Variants in ZBTB8OS observed in about 807,000 individuals in gnomAD.
ZBTB8OS encodes the protein tRNA-splicing ligase-activating factor archease.
In ZBTB8OS, 16 loss-of-function variants were observed where a neutral mutation model predicts 29.3. That is an observed-to-expected ratio of 0.55 (90% CI 0.37 to 0.83). The LOEUF (loss-of-function observed/expected upper bound fraction) is 0.83. ZBTB8OS is among the 40% of genes least tolerant of loss of function. The pLI is 0.00. For missense variants in ZBTB8OS, 160 were observed against 196.9 expected, an observed-to-expected ratio of 0.81 and a Z score of 1.12; for synonymous variants, 70 against 64.6, an observed-to-expected ratio of 1.08 and a Z score of -0.40.
intron 1 of ZBTB8OS, among the ~76,000 whole-genome samples, chr1:32,644,534 CTTTTTTTTT>C (rs57960226): frequency 1.6e-5 from 2 of 127,038 alleles, no homozygotes; most frequent in African/African-American, 6.1e-5. Flanking sequence ...TTTCTTTTTC[CTTTTTTTTT>C]TTTTTTTTTG....
At chr1:32,650,864 G>A (rs1039486583), upstream of ZBTB8OS, 113 of 483,148 alleles carry the variant, frequency 2.3e-4, no homozygotes, top group Middle Eastern at 1.1e-3. Context: ...TAGACCCGAA[G>A]GCATTCTAGA....
At chr1:32,640,349 C>G (rs970552455) in intron 1 of ZBTB8OS, among the ~76,000 whole-genome samples, 2 of 152,072 alleles carry the variant, frequency 1.3e-5, no homozygotes, top group African/African-American at 4.8e-5. Context: ...CAATCCACCC[C>G]TCTCGGCCTC....
chr1:32,649,384 A>G (rs1647106046), intron 1 of ZBTB8OS, among the ~76,000 whole-genome samples: 1 of 152,144 alleles, frequency 6.6e-6, no homozygotes, highest in Non-Finnish European at 1.5e-5. Context: ...TACAGAGAGG[A>G]CAATGAGAAA....
In ZBTB8OS at chr1:32,621,748, C is replaced by A; in HGVS notation, c.*114G>T. ...ACACTTTAACTAAAATATTTCTGTT[C>A]TACAAATTTCCATATATCAAAAAAA... is the stretch of plus-strand genomic sequence containing the variant. On this transcript the variant is annotated 3_prime_UTR_variant, in exon 7 of 7. Transcript: ENST00000468695. 1.3e-6 allele frequency: 1 copy of A among 758,070 alleles called. No homozygotes were observed. Among genetic ancestry groups the A allele is most frequent in the Non-Finnish European group, 2.2e-6 (1 of 464,352 alleles). The allele number at this position is 758,070 out of a possible 1,614,324, so 47.0% of individuals were successfully genotyped here.
intron 1 of ZBTB8OS, chr1:32,639,913 A>C (rs928629437): frequency 3.3e-5 from 5 of 152,242 alleles, no homozygotes; most frequent in African/African-American, 1.2e-4. Flanking sequence ...AGGAAAATAC[A>C]GGAGCATTTT....
At chr1:32,634,305 C>T (rs949053276) in intron 2 of ZBTB8OS, 3 of 328,656 alleles carry the variant, frequency 9.1e-6, no homozygotes, top group African/African-American at 2.1e-5. Flanking sequence ...CGGGTCACTG[C>T]AACCTCTGCC....
upstream of ZBTB8OS, chr1:32,650,915 G>A (rs1049331276): frequency 4.3e-6 from 2 of 464,152 alleles, no homozygotes; most frequent in Admixed American, 8.2e-5. Context: ...AAGCTTAATA[G>A]CCTTCAAGAA....
intron 6 of ZBTB8OS, among the ~76,000 whole-genome samples, chr1:32,623,982 G>T (rs567889412): frequency 4.6e-5 from 7 of 152,118 alleles, no homozygotes; most frequent in Admixed American, 3.9e-4. Context: ...GTGATAGTGC[G>T]TGAGTTTTCA....
At position 32,633,981 on chromosome 1, in the gene ZBTB8OS, G is replaced by A. The variant is rs1570574713; in HGVS notation, c.214C>T (p.Pro72Ser). ...GYMTDTGTVE[P>S]LQTVEVETQG... The stretch of plus-strand genomic sequence containing the variant: ...GTTTCTACTTCTACTGTTTGGAGGG[G>A]CTCCACTGTCCCAGTATCTGTCATG... Residue 72 changes from proline (P) to serine (S), a missense_variant, in exon 3 of 7, where the codon CCC (proline) becomes TCC (serine). By Grantham distance (74) the Pro-to-Ser change is moderately conservative (BLOSUM62 -1). Transcript: ENST00000468695. The A allele has an allele frequency of 1.9e-6, 3 of 1,589,398 alleles. No individual in the cohort carries two copies. Among genetic ancestry groups the A allele is most frequent in the East Asian group, 4.5e-5 (2 of 44,672 alleles).
chr1:32,648,356 CAAA>C (rs1207201949), intron 1 of ZBTB8OS, among the ~76,000 whole-genome samples: 1 of 151,934 alleles, frequency 6.6e-6, no homozygotes, highest in Non-Finnish European at 1.5e-5. Flanking sequence ...GCAATGGAAA[CAAA>C]AAAAACTTGG....
intron 1 of ZBTB8OS, 83 bp from the exon 2 acceptor site, chr1:32,634,875 T>C: frequency 1.1e-6 from 1 of 935,272 alleles, no homozygotes; most frequent in South Asian, 1.3e-5. Context: ...AGTCCATTAT[T>C]ATTAGGAATA....
chr1:32,643,015 C>T (rs1368296489), intron 1 of ZBTB8OS, among the ~76,000 whole-genome samples: 3 of 146,736 alleles, frequency 2.0e-5, no homozygotes, highest in Admixed American at 6.9e-5. Flanking sequence ...AGGTGATCTG[C>T]GGGCCTCGGC....
chr1:32,649,216 C>A (rs994862620), intron 1 of ZBTB8OS, among the ~76,000 whole-genome samples: 2 of 152,110 alleles, frequency 1.3e-5, no homozygotes, highest in Middle Eastern at 6.8e-3. Flanking sequence ...GATCCACCCA[C>A]GTCAGTCTCG....
At chr1:32,631,953 T>C in intron 4 of ZBTB8OS, 74 bp from the exon 5 acceptor site, 1 of 837,674 alleles carries the variant, frequency 1.2e-6, no homozygotes, top group Non-Finnish European at 1.8e-6. Context: ...TTTTGTTCTG[T>C]TTTGTTTTTT....
intron 6 of ZBTB8OS, among the ~76,000 whole-genome samples, chr1:32,626,970 G>C (rs1373682541): frequency 1.3e-5 from 2 of 152,156 alleles, no homozygotes; most frequent in African/African-American, 4.8e-5. Context: ...GAATACAAGT[G>C]AACTCATTCA....
At chr1:32,639,715 A>G (rs1646255860) in intron 1 of ZBTB8OS, among the ~76,000 whole-genome samples, 1 of 152,150 alleles carries the variant, frequency 6.6e-6, no homozygotes, top group Non-Finnish European at 1.5e-5. Flanking sequence ...CTAAGAGTGC[A>G]GTGAGCTGCA....
chr1:32,643,087 T>TTTTA (rs1646550972), intron 1 of ZBTB8OS, among the ~76,000 whole-genome samples: 1 of 144,688 alleles, frequency 6.9e-6, no homozygotes, highest in African/African-American at 2.6e-5. Flanking sequence ...TTTTTTTTTT[T>TTTTA]GAGATAGAGT....
chr1:32,634,415 C>CG, intron 2 of ZBTB8OS: 1 of 327,914 alleles, frequency 3.0e-6, no homozygotes, highest in East Asian at 5.1e-5. Context: ...TTAGTAGAGA[C>CG]GGGGTTTTAC....
chr1:32,627,700 G>A, intron 5 of ZBTB8OS, 156 bp from the exon 6 acceptor site: 2 of 653,628 alleles, frequency 3.1e-6, no homozygotes, highest in Admixed American at 2.7e-5. Context: ...AGAAGATACA[G>A]CTGTTGAGGG....
Sources: allele counts gnomAD v4.1 joint callset (sites outside exome capture counted in the v4.1 genomes callset), GRCh38; gene constraint gnomAD v4.1.1; transcripts MANE v1.5; gene names NCBI Gene and HGNC (gene_info 2026-07-23, HGNC 2026-07-21).